Variants in DPYD observed in about 807,000 individuals in gnomAD.
DPYD encodes dihydropyrimidine dehydrogenase [NADP(+)].
DPYD carries 109 observed loss-of-function variants against 116.2 expected under a neutral mutation model. The observed-to-expected ratio is 0.94, with a 90% confidence interval of 0.80 to 1.10. DPYD has a LOEUF of 1.10. DPYD is among the 50% of genes least tolerant of loss of function. DPYD has a pLI of 0.00. For missense variants in DPYD, 1,302 were observed against 1,254.5 expected (o/e 1.04, Z -0.57); for synonymous variants, 440 against 432.0 (o/e 1.02, Z -0.23).
intron 1 of DPYD, among the ~76,000 whole-genome samples, chr1:97,884,988 T>C (rs1003065476): frequency 2.6e-5 from 4 of 152,090 alleles, no homozygotes; most frequent in Non-Finnish European, 5.9e-5. Flanking sequence ...AAAGAATAAA[T>C]GAAATGCATG....
chr1:97,665,553 A>G (rs1024488422), intron 8 of DPYD, among the ~76,000 whole-genome samples: 1 of 152,156 alleles, frequency 6.6e-6, no homozygotes, highest in Non-Finnish European at 1.5e-5. Flanking sequence ...ACAGATTTTG[A>G]ACTAACATGT....
intron 19 of DPYD, among the ~76,000 whole-genome samples, chr1:97,225,008 T>C (rs533966374): frequency 4.9e-5 from 1 of 20,554 alleles, no homozygotes; most frequent in East Asian, 9.2e-4. Flanking sequence ...TGTCTGTCTA[T>C]CTATCTATCT....
chr1:97,833,962 C>A (rs957281097), intron 2 of DPYD, among the ~76,000 whole-genome samples: 1 of 152,026 alleles, frequency 6.6e-6, no homozygotes, highest in South Asian at 2.1e-4. Flanking sequence ...TGCACAAGTA[C>A]ACAATATGCT....
intron 7 of DPYD, 45 bp from the exon 8 acceptor site, chr1:97,679,227 A>C: frequency 9.7e-7 from 1 of 1,035,064 alleles, no homozygotes; most frequent in Non-Finnish European, 1.4e-6. Context: ...GCATATGATT[A>C]ATTAAAATCT....
chr1:97,678,176 T>C (rs1430586949), intron 8 of DPYD, among the ~76,000 whole-genome samples: 3 of 152,146 alleles, frequency 2.0e-5, no homozygotes, highest in African/African-American at 2.4e-5. Flanking sequence ...ATAAGGAGCA[T>C]GCAACTTAGA....
At chr1:97,228,781 G>C (rs1661366262) in intron 19 of DPYD, among the ~76,000 whole-genome samples, 1 of 152,208 alleles carries the variant, frequency 6.6e-6, no homozygotes, top group Non-Finnish European at 1.5e-5. Context: ...TAAAACCAGA[G>C]AACAGAATTC....
chr1:97,612,673 C>G (rs1273878879), intron 8 of DPYD, among the ~76,000 whole-genome samples: 4 of 151,984 alleles, frequency 2.6e-5, no homozygotes, highest in African/African-American at 9.7e-5. Flanking sequence ...CAAATAATAT[C>G]TTTAATTTTG....
chr1:97,300,319 T>A (rs1040198014), intron 18 of DPYD, among the ~76,000 whole-genome samples: 3 of 152,146 alleles, frequency 2.0e-5, no homozygotes, highest in East Asian at 1.9e-4. Context: ...TTTTAGATCT[T>A]CAATGTTAAA....
At chr1:97,750,707 T>C (rs935102465) in intron 3 of DPYD, among the ~76,000 whole-genome samples, 1 of 152,180 alleles carries the variant, frequency 6.6e-6, no homozygotes, top group Admixed American at 6.5e-5. Flanking sequence ...AGAGTGACCA[T>C]AATGGATATT....
intron 8 of DPYD, among the ~76,000 whole-genome samples, chr1:97,667,705 C>T (rs1659640193): frequency 6.6e-6 from 1 of 152,062 alleles, no homozygotes; most frequent in African/African-American, 2.4e-5. Context: ...AGCAATTCCA[C>T]ATATGGATGT....
chr1:97,136,048 C>T (rs559755781), intron 20 of DPYD, among the ~76,000 whole-genome samples: 2 of 152,274 alleles, frequency 1.3e-5, no homozygotes, highest in East Asian at 3.9e-4. Context: ...CTATCATTCC[C>T]AGAAGTAGCG....
chr1:97,916,647 C>T (rs1019857932), intron 1 of DPYD, among the ~76,000 whole-genome samples: 1 of 152,080 alleles, frequency 6.6e-6, no homozygotes, highest in African/African-American at 2.4e-5. Flanking sequence ...CTAAAAATCA[C>T]CCTCCATCAA....
intron 10 of DPYD, 42 bp from the exon 11 acceptor site, chr1:97,574,012 TTA>T: frequency 6.2e-7 from 1 of 1,605,456 alleles, no homozygotes; most frequent in Non-Finnish European, 8.5e-7. Context: ...AAAATGTTTC[TTA>T]TTCCACACAG....
At chr1:97,805,970 A>G (rs1277189293) in intron 3 of DPYD, among the ~76,000 whole-genome samples, 1 of 151,904 alleles carries the variant, frequency 6.6e-6, no homozygotes, top group Non-Finnish European at 1.5e-5. Flanking sequence ...TCAGACCTGA[A>G]AGAAAAAAAC....
chr1:97,090,024 T>C (rs1378132509), intron 21 of DPYD, among the ~76,000 whole-genome samples: 2 of 152,180 alleles, frequency 1.3e-5, no homozygotes, highest in Admixed American at 6.5e-5. Flanking sequence ...TTATTAATAC[T>C]GATTTATAAA....
intron 3 of DPYD, among the ~76,000 whole-genome samples, chr1:97,796,664 G>A (rs983960633): frequency 2.6e-5 from 4 of 152,120 alleles, no homozygotes; most frequent in African/African-American, 9.6e-5. Context: ...GACAAAGAAG[G>A]AGGGTGAGAC....
chr1:97,135,827 G>A (rs1027199985), intron 20 of DPYD, among the ~76,000 whole-genome samples: 1 of 152,120 alleles, frequency 6.6e-6, no homozygotes, highest in African/African-American at 2.4e-5. Flanking sequence ...TTTTAATGAT[G>A]GACCTTGTTA....
At chr1:97,717,398 C>A (rs1411765797) in intron 5 of DPYD, among the ~76,000 whole-genome samples, 1 of 152,068 alleles carries the variant, frequency 6.6e-6, no homozygotes, top group Non-Finnish European at 1.5e-5. Flanking sequence ...AATTGCTTGT[C>A]AGTTCCATTC....
chr1:97,631,736 A>C (rs1657272722), intron 8 of DPYD, among the ~76,000 whole-genome samples: 1 of 152,012 alleles, frequency 6.6e-6, no homozygotes, highest in South Asian at 2.1e-4. Flanking sequence ...ATATTTAGGA[A>C]TTTGAACAAA....
Sources: gnomAD v4.1 joint callset for allele counts (sites outside exome capture counted in the v4.1 genomes callset) on GRCh38, gnomAD v4.1.1 for gene constraint, MANE v1.5 for transcripts, NCBI Gene and HGNC (gene_info 2026-07-23, HGNC 2026-07-21) for gene names.